PLXDC2: variants seen among roughly 807,000 people sequenced by gnomAD.
PLXDC2 encodes the protein plexin domain-containing protein 2.
PLXDC2 carries 40 observed loss-of-function variants against 68.9 expected under a neutral mutation model. The observed-to-expected ratio is 0.58, with a 90% confidence interval of 0.45 to 0.76. The LOEUF is 0.76. PLXDC2 is among the 30% of genes least tolerant of loss of function. The pLI is 0.00. For missense variants in PLXDC2, 644 were observed against 661.9 expected (o/e 0.97, Z 0.30); for synonymous variants, 243 against 234.2 (o/e 1.04, Z -0.34).
At position 20,155,970 on chromosome 10, in the gene PLXDC2, C is replaced by G. The variant is rs144930722; in HGVS notation, c.783+8068C>G. On this transcript the variant is annotated intron_variant, in intron 6 of 13. Transcript: ENST00000377252. ...TCTCAGCTCGCTGCAACCTCTGCCTCCCGAGTTCAAATGACTATCCTGCCT... is the reference window on the plus strand; with the variant it reads ...TCTCAGCTCGCTGCAACCTCTGCCTGCCGAGTTCAAATGACTATCCTGCCT... Among the ~76,000 whole-genome samples, 1,328 of 152,168 alleles carry G rather than the reference C, an allele frequency of 8.7e-3. 23 individuals carry two copies. Among genetic ancestry groups the G allele is most frequent in the African/African-American group, 0.031 (1,271 of 41,518 alleles).
rs564766246 is a variant in PLXDC2, at chr10:19,990,121, A to C, written c.113-11654A>C. 3.1e-3 allele frequency among the ~76,000 whole-genome samples: 475 copies of C among 152,194 alleles called. 1 individual carries two copies. The highest frequency in any genetic ancestry group is 5.0e-3 in the Non-Finnish European group (337 of 68,006). On this transcript the variant is annotated intron_variant, in intron 1 of 13. Transcript: ENST00000377252. ...TTTTTTTATTTATACAATGAAATTC[A>C]TCACTTAATGACTTTTTGAACTGGA...
intron 2 of PLXDC2, among the ~76,000 whole-genome samples, chr10:20,007,260 A>T (rs192542187): frequency 2.0e-4 from 31 of 152,280 alleles, no homozygotes; most frequent in African/African-American, 7.2e-4. Flanking sequence ...ACCTCATAGG[A>T]TGGAGAGTGC....
chr10:20,173,657 G>T (rs991173152), intron 7 of PLXDC2, among the ~76,000 whole-genome samples: 8 of 152,196 alleles, frequency 5.3e-5, no homozygotes, highest in African/African-American at 1.9e-4. Flanking sequence ...GCACTAATGG[G>T]TGAGTATTGA....
At chr10:20,234,691 T>G (rs1835410925) in intron 12 of PLXDC2, among the ~76,000 whole-genome samples, 1 of 145,900 alleles carries the variant, frequency 6.9e-6, no homozygotes, top group Admixed American at 7.0e-5. Flanking sequence ...TCCTTTTTCC[T>G]GCTTCTTATT....
chr10:19,874,331 A>G (rs1243223749), intron 1 of PLXDC2, among the ~76,000 whole-genome samples: 1 of 152,166 alleles, frequency 6.6e-6, no homozygotes, highest in African/African-American at 2.4e-5. Flanking sequence ...ATTTTCTTTT[A>G]AACCATGGAT....
At chr10:20,012,452 G>A (rs1353479756) in intron 2 of PLXDC2, among the ~76,000 whole-genome samples, 1 of 150,378 alleles carries the variant, frequency 6.6e-6, no homozygotes, top group Admixed American at 6.6e-5. Flanking sequence ...TGAGGAGCTG[G>A]GATTACAGTG....
intron 1 of PLXDC2, among the ~76,000 whole-genome samples, chr10:19,987,729 T>A (rs1242334244): frequency 3.3e-5 from 5 of 151,144 alleles, no homozygotes; most frequent in Non-Finnish European, 5.9e-5. Context: ...CCCCGGCTAT[T>A]TTTTTTTTGT....
At chr10:20,127,847 G>GA (rs1347264865) in intron 4 of PLXDC2, among the ~76,000 whole-genome samples, 11 of 152,116 alleles carry the variant, frequency 7.2e-5, no homozygotes, top group Non-Finnish European at 1.6e-4. Context: ...AGGGAAAAAG[G>GA]AAAAAGACTG....
intron 1 of PLXDC2, among the ~76,000 whole-genome samples, chr10:19,902,914 T>G (rs1838182540): frequency 6.6e-6 from 1 of 152,222 alleles, no homozygotes; most frequent in Non-Finnish European, 1.5e-5. Flanking sequence ...GTCAAATGCT[T>G]TTTTCTACAT....
At chr10:19,922,066 C>G (rs894809372) in intron 1 of PLXDC2, among the ~76,000 whole-genome samples, 1 of 152,108 alleles carries the variant, frequency 6.6e-6, no homozygotes, top group Non-Finnish European at 1.5e-5. Context: ...ACCTTGTTGG[C>G]AAGGCTGGTC....
At chr10:20,085,529 T>G (rs1197519010) in intron 4 of PLXDC2, among the ~76,000 whole-genome samples, 1 of 152,198 alleles carries the variant, frequency 6.6e-6, no homozygotes, top group African/African-American at 2.4e-5. Context: ...ATTGTTTCAT[T>G]TTAGTAAAAA....
At chr10:20,204,565 A>C (rs540126499) in intron 9 of PLXDC2, among the ~76,000 whole-genome samples, 1 of 152,316 alleles carries the variant, frequency 6.6e-6, no homozygotes, top group Non-Finnish European at 1.5e-5. Context: ...TAAAAGGATC[A>C]TATAAATCAC....
In PLXDC2 at chr10:20,061,588, CT is replaced by C. The variant is rs145202412; in HGVS notation, c.472-6580del. On this transcript the variant is annotated intron_variant, in intron 3 of 13. Transcript: ENST00000377252. ...TTTTTCCTTTTGTAATTAAAAAAAT[CT>C]TGTTGAAAGATGCTTTGAGACTATA... Among the ~76,000 whole-genome samples, 1,477 of 152,212 alleles carry C rather than the reference CT, an allele frequency of 9.7e-3. 3 individuals are homozygous for C. The highest frequency in any genetic ancestry group is 0.016 in the Non-Finnish European group (1,113 of 67,994).
intron 3 of PLXDC2, among the ~76,000 whole-genome samples, chr10:20,058,584 A>G (rs2131696615): frequency 6.6e-6 from 1 of 152,304 alleles, no homozygotes; most frequent in East Asian, 1.9e-4. Flanking sequence ...GCAAACACTT[A>G]CCTTTAAAAC....
chr10:20,189,044 T>G (rs1358252242), intron 9 of PLXDC2, among the ~76,000 whole-genome samples: 1 of 75,484 alleles, frequency 1.3e-5, no homozygotes, highest in Non-Finnish European at 4.8e-5. Flanking sequence ...AATCTTCGCT[T>G]TTCTATTAAG....
Position 20,024,772 on chromosome 10 carries a change from A to G in PLXDC2, c.325-22097A>G, listed in dbSNP as rs564217996. ...ATCTATTTTTGCCTTCTTTAGGTCT[A>G]TGAATACCCATCGTTCAGGTCCTAC... On this transcript the variant is annotated intron_variant, in intron 2 of 13. Coordinates refer to ENST00000377252, the MANE Select transcript of PLXDC2 (RefSeq NM_032812.9). Among the ~76,000 whole-genome samples, 5 of 152,178 alleles carry G rather than the reference A, an allele frequency of 3.3e-5. No individual in the cohort carries two copies. In the South Asian group the frequency reaches 6.2e-4, roughly 19 times the overall value.
At chr10:19,852,086 T>C (rs1837127312) in intron 1 of PLXDC2, among the ~76,000 whole-genome samples, 1 of 152,108 alleles carries the variant, frequency 6.6e-6, no homozygotes, top group African/African-American at 2.4e-5. Context: ...TCTGCAGACC[T>C]ACTGAACGAG....
chr10:19,933,296 C>G (rs1833669967), intron 1 of PLXDC2, among the ~76,000 whole-genome samples: 1 of 152,102 alleles, frequency 6.6e-6, no homozygotes, highest in Middle Eastern at 3.2e-3. Flanking sequence ...AAGTTAATTT[C>G]AACTACAGCT....
intron 4 of PLXDC2, among the ~76,000 whole-genome samples, chr10:20,084,022 A>G (rs1421537656): frequency 1.3e-5 from 2 of 152,224 alleles, no homozygotes; most frequent in African/African-American, 4.8e-5. Flanking sequence ...CAATGTTATA[A>G]CTACAAACTA....
Sources: gnomAD v4.1 joint callset for allele counts (sites outside exome capture counted in the v4.1 genomes callset) on GRCh38, gnomAD v4.1.1 for gene constraint, MANE v1.5 for transcripts, NCBI Gene and HGNC (gene_info 2026-07-23, HGNC 2026-07-21) for gene names.